The following STMP1 variants were observed in gnomAD, a reference collection of about 807,000 sequenced individuals.
STMP1 encodes short transmembrane mitochondrial protein 1.
Under a neutral mutation model 7.0 loss-of-function variants are expected in STMP1, and 7 were observed. That is an observed-to-expected ratio of 1.01 (90% CI 0.57 to 1.89). STMP1 has a LOEUF of 1.89. STMP1 is among the 40% of genes most tolerant of loss of function. STMP1 has a pLI of 0.00. For missense variants in STMP1, 45 were observed against 53.0 expected (o/e 0.85, Z 0.47); for synonymous variants, 19 against 18.4 (o/e 1.03, Z -0.08).
intron 1 of STMP1, among the ~76,000 whole-genome samples, chr7:135,670,940 A>G (rs932840114): frequency 1.3e-5 from 2 of 152,214 alleles, no homozygotes; most frequent in African/African-American, 4.8e-5. Flanking sequence ...TAGTGGTGGA[A>G]CCAGAACTCG....
Position 135,674,911 on chromosome 7 carries a change from T to C in STMP1, c.*746T>C, listed in dbSNP as rs937844619. 3.9e-5 allele frequency: 6 copies of C among 152,208 alleles called. No individual in the cohort carries two copies. The highest frequency in any genetic ancestry group is 1.9e-4 in the East Asian group (1 of 5,202). 9.4% of individuals were successfully genotyped at this position (152,208 alleles called of 1,614,324 possible). A position where few individuals can be genotyped will look rare whatever the true frequency, so the allele number is the denominator to read the frequency against. ...GATTACAGGTACATTTGATGTTATA[T>C]GATGGATAAGTGAAAAGTTTTTAAA... On this transcript the variant is annotated 3_prime_UTR_variant, in exon 3 of 3. Coordinates refer to ENST00000507606, the MANE Select transcript of STMP1 (RefSeq NM_001130929.2).
At chr7:135,666,727 CTTGT>C (rs1203502861) in intron 1 of STMP1, among the ~76,000 whole-genome samples, 1 of 152,100 alleles carries the variant, frequency 6.6e-6, no homozygotes, top group Non-Finnish European at 1.5e-5. Context: ...TATCTTGCAC[CTTGT>C]TTGTTATGTT....
Position 135,664,344 on chromosome 7 carries a change from ATTT to A in STMP1, c.15+1772_15+1774del, listed in dbSNP as rs767469164. 5.4e-3 allele frequency among the ~76,000 whole-genome samples: 618 copies of A among 114,968 alleles called. 4 individuals are homozygous for A. The highest frequency in any genetic ancestry group is 0.019 in the African/African-American group (576 of 30,330). 75.4% of individuals were successfully genotyped at this position (114,968 alleles called of 152,430 possible). A position where few individuals can be genotyped will look rare whatever the true frequency, so the allele number is the denominator to read the frequency against. On this transcript the variant is annotated intron_variant, in intron 1 of 2. Coordinates refer to ENST00000507606, the MANE Select transcript of STMP1 (RefSeq NM_001130929.2). ...TGCAATAAACTTTTACTGTGTGTTA[ATTT>A]TTTTTTTTTTTTTTTTTTTTTGAGA...
At chr7:135,664,344 A>AT (rs767469164) in intron 1 of STMP1, among the ~76,000 whole-genome samples, 1,925 of 114,910 alleles carry the variant, frequency 0.017, 13 homozygotes, top group African/African-American at 0.022. Context: ...CTGTGTGTTA[A>AT]TTTTTTTTTT....
intron 2 of STMP1, 122 bp downstream of exon 2, chr7:135,672,928 C>G: frequency 1.3e-6 from 1 of 759,170 alleles, no homozygotes; most frequent in South Asian, 1.7e-5. Flanking sequence ...GGCAAAACTC[C>G]TGAATATTGT....
intron 2 of STMP1, among the ~76,000 whole-genome samples, chr7:135,673,696 T>C (rs1563150418): frequency 6.6e-6 from 1 of 152,194 alleles, no homozygotes; most frequent in Non-Finnish European, 1.5e-5. Flanking sequence ...CCTAGCACTT[T>C]GGGAGGCCGA....
chr7:135,665,587 T>C (rs1463013042), intron 1 of STMP1: 2 of 113,276 alleles, frequency 1.8e-5, no homozygotes, highest in African/African-American at 1.0e-4. Context: ...GCTCCTAGAC[T>C]TTTTTTTTTT....
intron 1 of STMP1, among the ~76,000 whole-genome samples, chr7:135,666,983 C>T (rs1795301672): frequency 6.6e-6 from 1 of 152,192 alleles, no homozygotes; most frequent in Non-Finnish European, 1.5e-5. Flanking sequence ...TACATTCTCA[C>T]TAGTAATGTA....
At chr7:135,673,660 C>T (rs929780109) in intron 2 of STMP1, among the ~76,000 whole-genome samples, 7 of 152,154 alleles carry the variant, frequency 4.6e-5, no homozygotes, top group Admixed American at 2.6e-4. Flanking sequence ...CACTATTGGC[C>T]GGGTGCAGTG....
At chr7:135,662,968 C>T (rs1453198989) in intron 1 of STMP1, among the ~76,000 whole-genome samples, 1 of 152,176 alleles carries the variant, frequency 6.6e-6, no homozygotes, top group African/African-American at 2.4e-5. Context: ...TGTTCCATTA[C>T]ATGGTCGCCG....
chr7:135,674,196 C>G lies in STMP1; in HGVS notation c.*31C>G. 3 of 1,463,260 alleles carry G rather than the reference C, an allele frequency of 2.1e-6. No individual in the cohort carries two copies. Among genetic ancestry groups the G allele is most frequent in the Non-Finnish European group, 2.8e-6 (3 of 1,083,830 alleles). The allele number at this position is 1,463,260 out of a possible 1,614,324, so 90.6% of individuals were successfully genotyped here. On this transcript the variant is annotated 3_prime_UTR_variant, in exon 3 of 3. Transcript: ENST00000507606. ...CCTCCAGCACTGCCTTCAGGATATACTGATTCTACTGCTCTTGAGGGCCTC... is the reference window on the plus strand; with the variant it reads ...CCTCCAGCACTGCCTTCAGGATATAGTGATTCTACTGCTCTTGAGGGCCTC...
intron 2 of STMP1, 42 bp from the exon 3 acceptor site, chr7:135,674,049 T>G: frequency 8.0e-7 from 1 of 1,245,520 alleles, no homozygotes. Context: ...GAATATTGAT[T>G]AGGTAGATGC....
At chr7:135,669,656 ACACCCC>A (rs1246229244) in intron 1 of STMP1, among the ~76,000 whole-genome samples, 1 of 152,228 alleles carries the variant, frequency 6.6e-6, no homozygotes, top group Admixed American at 6.5e-5. Context: ...TCGGTACTTA[ACACCCC>A]CAGCAGCATC....
Position 135,674,799 on chromosome 7 carries a change from A to G in STMP1, c.*634A>G, listed in dbSNP as rs1795393791. The G allele has an allele frequency of 6.6e-6, 1 of 152,222 alleles. No individual in the cohort carries two copies. Among genetic ancestry groups the G allele is most frequent in the African/African-American group, 2.4e-5 (1 of 41,468 alleles). 9.4% of individuals were successfully genotyped at this position (152,222 alleles called of 1,614,324 possible). ...ACAAAATAATGGTCTTTGTCCCAGT[A>G]GAGTTCATAGTCTATTTAGTGTGCA... is the stretch of plus-strand genomic sequence containing the variant. On this transcript the variant is annotated 3_prime_UTR_variant, in exon 3 of 3. Coordinates refer to ENST00000507606, the MANE Select transcript of STMP1 (RefSeq NM_001130929.2).
chr7:135,670,384 G>T (rs1795345344), intron 1 of STMP1, among the ~76,000 whole-genome samples: 1 of 152,100 alleles, frequency 6.6e-6, no homozygotes, highest in South Asian at 2.1e-4. Flanking sequence ...AAGAAGTTAG[G>T]CATTCTTGGC....
intron 1 of STMP1, among the ~76,000 whole-genome samples, chr7:135,669,950 T>A (rs559468823): frequency 7.2e-5 from 11 of 152,104 alleles, no homozygotes; most frequent in Admixed American, 2.6e-4. Context: ...TGATTCTTAG[T>A]GTACTCTCTA....
intron 1 of STMP1, among the ~76,000 whole-genome samples, chr7:135,666,056 C>T (rs189137992): frequency 5.9e-5 from 9 of 151,952 alleles, no homozygotes; most frequent in South Asian, 4.2e-4. Flanking sequence ...CCTTAGCCTC[C>T]GAAGTAGCTG....
intron 1 of STMP1, among the ~76,000 whole-genome samples, chr7:135,670,885 A>T (rs924670710): frequency 2.0e-5 from 3 of 152,196 alleles, no homozygotes; most frequent in African/African-American, 7.2e-5. Flanking sequence ...CAAATCAGCA[A>T]AGCTCCAGAG....
chr7:135,662,572 C>T lies in STMP1; in HGVS notation c.-8C>T, dbSNP rs778423599. ...CTTCGCGCCCTCCTCGCCCTCCCCA[C>T]CGACATCATGCTCCAGTTCCTGGTG... On this transcript the variant is annotated 5_prime_UTR_variant, in exon 1 of 3. Transcript: ENST00000507606. 1.3e-6 allele frequency: 2 copies of T among 1,548,488 alleles called. No homozygotes were observed. Among genetic ancestry groups the T allele is most frequent in the Admixed American group, 2.0e-5 (1 of 50,794 alleles).
Sources: gnomAD v4.1 joint callset for allele counts (sites outside exome capture counted in the v4.1 genomes callset) on GRCh38, gnomAD v4.1.1 for gene constraint, MANE v1.5 for transcripts, NCBI Gene and HGNC (gene_info 2026-07-23, HGNC 2026-07-21) for gene names.